The following ABCG1 variants were observed in gnomAD, a reference collection of about 807,000 sequenced individuals.
ABCG1 encodes ATP-binding cassette sub-family G member 1.
A neutral mutation model predicts 69.2 loss-of-function variants in ABCG1; 29 were observed. The observed-to-expected ratio is 0.42, with a 90% CI of 0.31 to 0.57. ABCG1 has a LOEUF of 0.57. Among genes scored for constraint, ABCG1 ranks in the 20% least tolerant of loss-of-function variants. ABCG1 has a pLI of 0.15. For missense variants in ABCG1, 718 were observed against 898.1 expected (o/e 0.80, Z 2.56); for synonymous variants, 370 against 374.8 (o/e 0.99, Z 0.15).
chr21:42,255,591 G>A (rs375900851), intron 2 of ABCG1, among the ~76,000 whole-genome samples: 212 of 152,324 alleles, frequency 1.4e-3, no homozygotes, highest in African/African-American at 4.6e-3. Flanking sequence ...CAGAAGGAGC[G>A]CACGAGGAGG....
rs1449712262 is a variant in ABCG1, at chr21:42,276,977, C to T, written c.588+32C>T. 1.2e-6 allele frequency: 2 copies of T among 1,611,554 alleles called. No individual in the cohort carries two copies. Among genetic ancestry groups the T allele is most frequent in the Non-Finnish European group, 8.5e-7 (1 of 1,177,790 alleles). The stretch of plus-strand genomic sequence containing the variant: ...GGGTTGTTTGGTGCCCACAAGTGGT[C>T]CAGAAAGTGCATGACGTGCATGTGG... On this transcript the variant is annotated intron_variant, in intron 5 of 14. Transcript: ENST00000398449. This position sits in a 1 kb window ranked among gnomAD's most constrained non-coding sequence, Gnocchi z 5.3.
At chr21:42,237,559 AC>A (rs1350683046) in intron 2 of ABCG1, among the ~76,000 whole-genome samples, 1 of 152,176 alleles carries the variant, frequency 6.6e-6, no homozygotes, top group Admixed American at 6.5e-5. Flanking sequence ...TTCCAAAATT[AC>A]CCCTGCGTCT....
intron 2 of ABCG1, among the ~76,000 whole-genome samples, chr21:42,241,407 C>T (rs2068048861): frequency 6.6e-6 from 1 of 152,092 alleles, no homozygotes; most frequent in South Asian, 2.1e-4. Context: ...GAGTTTGAGA[C>T]TAGCCTGGCC....
Position 42,284,655 on chromosome 21 carries a change from G to A in ABCG1, c.830G>A (p.Ser277Asn). The change falls in exon 7 of 15, where the codon AGC (serine) becomes AAC (asparagine). Residue 277 changes from serine to asparagine, a missense_variant. By Grantham distance (46) the Ser-to-Asn change is conservative. Around this residue, in one of 2 missense-constraint regions of ABCG1, gnomAD observed 514 missense variants for 574.3 expected, o/e 0.90. Coordinates refer to ENST00000398449, the MANE Select transcript of ABCG1 (RefSeq NM_016818.3). ...RSIICTIHQP[S>N]AKLFELFDQL... ...ATCATTTGCACCATCCACCAGCCCA[G>A]CGCCAAACTCTTCGAGCTGTTCGAC... 6.2e-7 allele frequency: 1 copy of A among 1,613,806 alleles called. No homozygotes were observed. The highest frequency in any genetic ancestry group is 1.3e-5 in the African/African-American group (1 of 75,054).
chr21:42,291,753 T>C lies in ABCG1; in HGVS notation c.1653+97T>C. 7.3e-7 allele frequency: 1 copy of C among 1,376,410 alleles called. No individual in the cohort carries two copies. 85.3% of individuals were successfully genotyped at this position (1,376,410 alleles called of 1,614,324 possible). A position where few individuals can be genotyped will look rare whatever the true frequency, so the allele number is the denominator to read the frequency against. ...GGGGCTCTGCCACCCCTTCCCCTAC[T>C]TCTGCCCTGACCCTCCTAGATGGGG... On this transcript the variant is annotated intron_variant, in intron 13 of 14. Coordinates refer to ENST00000398449, the MANE Select transcript of ABCG1 (RefSeq NM_016818.3). This position sits in a 1 kb window ranked among gnomAD's most constrained non-coding sequence, Gnocchi z 6.4.
intron 1 of ABCG1, chr21:42,220,128 G>A: frequency 2.3e-6 from 3 of 1,305,900 alleles, no homozygotes; most frequent in African/African-American, 1.5e-5. Context: ...CCAATCATCA[G>A]GCCCCCAGCC....
At chr21:42,256,103 G>C (rs1296191032) in intron 2 of ABCG1, 1 of 1,308,762 alleles carries the variant, frequency 7.6e-7, no homozygotes, top group African/African-American at 1.5e-5. Flanking sequence ...AGGGTCTCTG[G>C]GTGAGGCCCG....
At chr21:42,215,971 T>C (rs2067635184), upstream of ABCG1, 1 of 235,748 alleles carries the variant, frequency 4.2e-6, no homozygotes, top group Admixed American at 5.4e-5. Context: ...GCTCCCATAA[T>C]TCCCACATGT....
Position 42,288,223 on chromosome 21 carries a change from A to C in ABCG1, c.1135A>C (p.Met379Leu). The change falls in exon 10 of 15, where the codon ATG becomes CTG. Residue 379 changes from methionine to leucine, a missense_variant. Around this residue, in one of 2 missense-constraint regions of ABCG1, gnomAD observed 514 missense variants for 574.3 expected, o/e 0.90. Transcript: ENST00000398449. This position sits in a 1 kb window ranked among gnomAD's most constrained non-coding sequence, Gnocchi z 4.8. Reference protein sequence around the residue: ...HRPSEEDSSSMEGCHSFSASC... With the variant: ...HRPSEEDSSSLEGCHSFSASC... ...CGTGTGTCCTCAGGACTCCTCGTCC[A>C]TGGAAGGCTGCCACAGCTTCTCTGC... is the stretch of plus-strand genomic sequence containing the variant. The C allele has an allele frequency of 6.2e-7, 1 of 1,614,170 alleles. No individual in the cohort carries two copies.
At chr21:42,244,756 C>A (rs568332113) in intron 2 of ABCG1, among the ~76,000 whole-genome samples, 93 of 152,344 alleles carry the variant, frequency 6.1e-4, no homozygotes, top group Middle Eastern at 3.4e-3. Context: ...ACATGACATC[C>A]ATTTCCAAGC....
At chr21:42,225,528 C>A in intron 1 of ABCG1, 143 bp from the exon 2 acceptor site, 1 of 1,046,992 alleles carries the variant, frequency 9.6e-7, no homozygotes, top group Non-Finnish European at 1.4e-6. Flanking sequence ...GGGCACATTT[C>A]TCCTGGGGCC....
At chr21:42,294,903 A>C (rs2276235) in intron 14 of ABCG1, 293,832 of 493,722 alleles carry the variant, frequency 0.6, 88,356 homozygotes, top group African/African-American at 0.64. Flanking sequence ...CCATGGCAGG[A>C]CCAAGTGTTC....
rs559436601 is a variant in ABCG1 at position 42,286,764 on chromosome 21, C to T, written c.973+770C>T. ...GGCAGGAAGGAGAGGAAACACGGTG[C>T]GTGGGGATGCAGAGAGGTCCTGGAG... On this transcript the variant is annotated intron_variant, in intron 8 of 14. Transcript: ENST00000398449. Among the ~76,000 whole-genome samples the T allele has an allele frequency of 5.3e-5, 8 of 152,214 alleles. No individual in the cohort carries two copies. In the East Asian group the frequency reaches 5.8e-4, roughly 11 times the overall value.
At chr21:42,206,851 T>C in intron 2 of ABCG1, 1 of 151,502 alleles carries the variant, frequency 6.6e-6, no homozygotes, top group East Asian at 1.9e-4. Context: ...TATCTGAGAA[T>C]ATCTTGATTT....
At position 42,287,407 on chromosome 21, in the gene ABCG1, C is replaced by G. The variant is rs929638721; in HGVS notation, c.974-482C>G. Among the ~76,000 whole-genome samples, 6 of 152,142 alleles carry G rather than the reference C, an allele frequency of 3.9e-5. No homozygotes were observed. The highest frequency in any genetic ancestry group is 8.8e-5 in the Non-Finnish European group (6 of 68,010). On this transcript the variant is annotated intron_variant, in intron 8 of 14. Transcript: ENST00000398449. This position sits in a 1 kb window ranked among gnomAD's most constrained non-coding sequence, Gnocchi z 6.2. ...GTTGAGGGTCCCAGGACCTCCAAGT[C>G]CCCAGGGTGCCAGCCACTCATGTGG...
chr21:42,284,995 G>C (rs913068088), intron 7 of ABCG1, among the ~76,000 whole-genome samples: 2 of 152,116 alleles, frequency 1.3e-5, no homozygotes, highest in Non-Finnish European at 2.9e-5. Flanking sequence ...TGTGAGACTT[G>C]TGGAACCACA....
At position 42,249,323 on chromosome 21, in the gene ABCG1, A is replaced by G. The variant is rs368581282; in HGVS notation, c.287-21747A>G. ...TTATTCATTTATTTTTCTTCCTCAC[A>G]TCTCACAAGCAAGTGATCTGCACAG... On this transcript the variant is annotated intron_variant, in intron 2 of 14. Coordinates refer to ENST00000398449, the MANE Select transcript of ABCG1 (RefSeq NM_016818.3). Among the ~76,000 whole-genome samples, 21 of 152,200 alleles carry G rather than the reference A, an allele frequency of 1.4e-4. No individual in the cohort carries two copies. The East Asian group carries it at 2.9e-3, about 21-fold the overall frequency.
At chr21:42,260,470 T>C (rs1259429788) in intron 2 of ABCG1, among the ~76,000 whole-genome samples, 1 of 152,114 alleles carries the variant, frequency 6.6e-6, no homozygotes, top group Non-Finnish European at 1.5e-5. Context: ...GAAAAGATTT[T>C]CAAAAGAGCT....
At position 42,228,936 on chromosome 21, in the gene ABCG1, G is replaced by T. The variant is rs1010487432; in HGVS notation, c.286+3022G>T. On this transcript the variant is annotated intron_variant, in intron 2 of 14. Transcript: ENST00000398449. Reference sequence around the variant, plus strand: ...TCAATAACAGTGCGCATTAAATGCGGATCTTGTGTTGGGGCTGCAGGAGGA... The same window carrying T: ...TCAATAACAGTGCGCATTAAATGCGTATCTTGTGTTGGGGCTGCAGGAGGA... Among the ~76,000 whole-genome samples, 4 of 152,226 alleles carry T rather than the reference G, an allele frequency of 2.6e-5. No individual in the cohort carries two copies. The South Asian group carries it at 8.3e-4, about 32-fold the overall frequency.
Sources: allele counts gnomAD v4.1 joint callset (sites outside exome capture counted in the v4.1 genomes callset), GRCh38; gene constraint gnomAD v4.1.1; regional missense constraint gnomAD v4.1.1; non-coding constraint Gnocchi (gnomAD v3.1); transcripts MANE v1.5; gene names NCBI Gene and HGNC (gene_info 2026-07-23, HGNC 2026-07-21).